Variants in XPR1 observed in about 807,000 individuals in gnomAD.
XPR1 encodes solute carrier family 53 member 1.
XPR1 carries 28 observed loss-of-function variants against 87.5 expected under a neutral mutation model. The ratio of observed to expected loss-of-function variants is 0.32; its 90% CI spans 0.24 to 0.44. The LOEUF is 0.44. Among genes scored for constraint, XPR1 ranks in the 20% least tolerant of loss-of-function variants. XPR1 has a pLI of 1.00. For synonymous variants in XPR1, 300 were observed against 306.1 expected, an observed-to-expected ratio of 0.98 and a Z score of 0.21; for missense variants, 559 against 862.3, an observed-to-expected ratio of 0.65 and a Z score of 4.41.
At chr1:180,767,717 T>C (rs1648340502) in intron 2 of XPR1, among the ~76,000 whole-genome samples, 1 of 152,214 alleles carries the variant, frequency 6.6e-6, no homozygotes, top group Admixed American at 6.5e-5. Flanking sequence ...ATTACCCTGA[T>C]TCTGTACAGT....
intron 9 of XPR1, among the ~76,000 whole-genome samples, chr1:180,832,268 C>T (rs1651092813): frequency 6.6e-6 from 1 of 151,932 alleles, no homozygotes; most frequent in African/African-American, 2.4e-5. Context: ...TGTTTAAGTT[C>T]TTTGTAGATT....
At chr1:180,753,708 G>A (rs12095684) in intron 2 of XPR1, among the ~76,000 whole-genome samples, 6,543 of 152,166 alleles carry the variant, frequency 0.043, 506 homozygotes, top group African/African-American at 0.15. Context: ...TTAACTGTCA[G>A]TTTGATATAT....
chr1:180,838,382 A>G (rs1651379832), intron 11 of XPR1, among the ~76,000 whole-genome samples: 3 of 152,154 alleles, frequency 2.0e-5, no homozygotes, highest in Admixed American at 1.3e-4. Context: ...TCATATGTTA[A>G]GCGGACCTAT....
chr1:180,655,079 A>G (rs961555695), intron 1 of XPR1, among the ~76,000 whole-genome samples: 5 of 152,156 alleles, frequency 3.3e-5, no homozygotes, highest in Non-Finnish European at 5.9e-5. Flanking sequence ...CTTTTTGCCA[A>G]CACTTATTTC....
intron 2 of XPR1, among the ~76,000 whole-genome samples, chr1:180,762,593 T>C (rs1430553734): frequency 6.6e-6 from 1 of 152,190 alleles, no homozygotes; most frequent in African/African-American, 2.4e-5. Context: ...CAGGCTGGCC[T>C]TAACTTTTTA....
At chr1:180,864,237 G>A (rs776465131) in intron 12 of XPR1, among the ~76,000 whole-genome samples, 19 of 152,072 alleles carry the variant, frequency 1.2e-4, no homozygotes, top group Non-Finnish European at 2.6e-4. Context: ...ACTCTCTCTC[G>A]TCTGCTTTGT....
chr1:180,706,051 AGTAG>A (rs1557966273), intron 2 of XPR1, among the ~76,000 whole-genome samples: 1 of 152,226 alleles, frequency 6.6e-6, no homozygotes, highest in Non-Finnish European at 1.5e-5. Flanking sequence ...GGGAAGATTT[AGTAG>A]AACACTTAAA....
Position 180,811,432 on chromosome 1 carries a change from G to A in XPR1, c.707G>A (p.Arg236Lys). 6.2e-7 allele frequency: 1 copy of A among 1,613,422 alleles called. No homozygotes were observed. The highest frequency in any genetic ancestry group is 8.5e-7 in the Non-Finnish European group (1 of 1,179,732). Residue 236 changes from arginine to lysine, a missense_variant, in exon 7 of 15, where the codon AGA becomes AAA. Arg to Lys is a conservative substitution (Grantham distance 26). This residue lies in a region of XPR1 where 9 missense variants were observed against 31.2 expected (regional missense o/e 0.29). Coordinates refer to ENST00000367590, the MANE Select transcript of XPR1 (RefSeq NM_004736.4). Reference protein sequence around the residue: ...AQPAPAWTTFRVGLFCGIFIV... With the variant: ...AQPAPAWTTFKVGLFCGIFIV... ...CCTGCACCAGCATGGACTACTTTTA[G>A]AGTTGGCCTATTTTGTGGAATATTC...
intron 2 of XPR1, among the ~76,000 whole-genome samples, chr1:180,722,865 C>T (rs1017433693): frequency 1.3e-5 from 2 of 152,046 alleles, no homozygotes; most frequent in African/African-American, 4.8e-5. Context: ...AATTATTTGT[C>T]CCCCAAGACC....
intron 11 of XPR1, among the ~76,000 whole-genome samples, chr1:180,845,030 C>T (rs1651631251): frequency 6.6e-6 from 1 of 152,088 alleles, no homozygotes; most frequent in Non-Finnish European, 1.5e-5. Flanking sequence ...ATACAGAAAA[C>T]AATTTAAACT....
intron 1 of XPR1, among the ~76,000 whole-genome samples, chr1:180,636,841 CAA>C (rs1219478534): frequency 3.4e-4 from 52 of 152,196 alleles, no homozygotes; most frequent in Non-Finnish European, 2.2e-4. Flanking sequence ...CACTTGAGGT[CAA>C]GAGATTGAGA....
intron 2 of XPR1, among the ~76,000 whole-genome samples, chr1:180,699,649 A>G (rs1285489989): frequency 3.3e-5 from 4 of 123,026 alleles, no homozygotes; most frequent in South Asian, 2.8e-4. Context: ...AGTCTTTGCT[A>G]TTGTGAATAG....
chr1:180,665,720 G>A (rs1655934138), intron 1 of XPR1, among the ~76,000 whole-genome samples: 1 of 152,134 alleles, frequency 6.6e-6, no homozygotes, highest in Non-Finnish European at 1.5e-5. Flanking sequence ...CACACAGCTG[G>A]CCACACTGCT....
chr1:180,879,917 C>A (rs1393755476), intron 13 of XPR1, among the ~76,000 whole-genome samples, 159 bp from the exon 14 acceptor site: 1 of 152,102 alleles, frequency 6.6e-6, no homozygotes, highest in Non-Finnish European at 1.5e-5. Context: ...CCCCCCACCA[C>A]CACCTCCCCG....
At position 180,721,929 on chromosome 1, in the gene XPR1, A is replaced by G. The variant is rs369924616; in HGVS notation, c.121+39518A>G. Among the ~76,000 whole-genome samples the G allele has an allele frequency of 6.0e-4, 92 of 152,296 alleles. 8 individuals carry two copies. In the East Asian group the frequency reaches 7.5e-3, roughly 12 times the overall value. On this transcript the variant is annotated intron_variant, in intron 2 of 14. Coordinates refer to ENST00000367590, the MANE Select transcript of XPR1 (RefSeq NM_004736.4). ...TATGTTACTACTAAGGCTTCTGGTCAGCAGAAGGGTATTAGTAGTTAAGTT... is the reference window on the plus strand; with the variant it reads ...TATGTTACTACTAAGGCTTCTGGTCGGCAGAAGGGTATTAGTAGTTAAGTT...
intron 2 of XPR1, among the ~76,000 whole-genome samples, chr1:180,744,650 C>CTTTCTTTTTTT (rs1659024261): frequency 1.8e-5 from 1 of 56,944 alleles, no homozygotes; most frequent in Non-Finnish European, 3.7e-5. Context: ...GGCACAATTT[C>CTTTCTTTTTTT]TTTCTTTTTT....
intron 2 of XPR1, among the ~76,000 whole-genome samples, chr1:180,725,246 A>G (rs1425357097): frequency 2.0e-5 from 3 of 152,234 alleles, no homozygotes; most frequent in African/African-American, 7.2e-5. Flanking sequence ...AATAATGTGC[A>G]TTTTAAATGT....
intron 1 of XPR1, among the ~76,000 whole-genome samples, chr1:180,643,390 T>C (rs968019251): frequency 5.9e-5 from 9 of 152,198 alleles, no homozygotes; most frequent in African/African-American, 1.7e-4. Flanking sequence ...GCACATAAAA[T>C]AATGGTGTAT....
chr1:180,846,594 A>G (rs2102183881), intron 11 of XPR1, among the ~76,000 whole-genome samples: 1 of 151,828 alleles, frequency 6.6e-6, no homozygotes, highest in African/African-American at 2.4e-5. Context: ...CACGCCCACC[A>G]CCACACCCAG....
Sources: gnomAD v4.1 joint callset for allele counts (sites outside exome capture counted in the v4.1 genomes callset) on GRCh38, gnomAD v4.1.1 for gene constraint, gnomAD v4.1.1 regional missense constraint, MANE v1.5 for transcripts, NCBI Gene and HGNC (gene_info 2026-07-23, HGNC 2026-07-21) for gene names.